The following ZNF420 variants were observed in gnomAD, a reference collection of about 807,000 sequenced individuals.
ZNF420 encodes the protein ATM and p53-associated KZNF protein.
A neutral mutation model predicts 44.7 loss-of-function variants in ZNF420; 31 were observed. The observed-to-expected ratio is 0.69, with a 90% CI of 0.52 to 0.94. The LOEUF (loss-of-function observed/expected upper bound fraction) is 0.94, where lower values mean the gene tolerates loss of function less well. Ranked by LOEUF, ZNF420 falls within the 40% of genes least tolerant of loss-of-function variation. The pLI is 0.00. For missense variants in ZNF420, 681 were observed against 827.9 expected (o/e 0.82, Z 2.18); for synonymous variants, 245 against 267.4 (o/e 0.92, Z 0.82).
intron 1 of ZNF420, among the ~76,000 whole-genome samples, chr19:37,013,022 CTT>C (rs1420588298): frequency 6.6e-6 from 1 of 152,054 alleles, no homozygotes; most frequent in Non-Finnish European, 1.5e-5. Flanking sequence ...TGCCGTTCCA[CTT>C]TGCATTTTGT....
intron 4 of ZNF420, among the ~76,000 whole-genome samples, chr19:37,125,334 A>T (rs1337443265): frequency 6.6e-6 from 1 of 151,830 alleles, no homozygotes; most frequent in Non-Finnish European, 1.5e-5. Flanking sequence ...TGAAGTAAGG[A>T]TAAGTAAAAG....
At chr19:37,020,299 C>T (rs1476507663) in intron 1 of ZNF420, among the ~76,000 whole-genome samples, 4 of 151,724 alleles carry the variant, frequency 2.6e-5, no homozygotes, top group Admixed American at 2.0e-4. Flanking sequence ...TGGCTAATGT[C>T]AGCATGACCA....
chr19:37,069,004 A>ATACATATGTATAATGTATAT (rs373295387), intron 1 of ZNF420, among the ~76,000 whole-genome samples: 3,672 of 152,258 alleles, frequency 0.024, 161 homozygotes, highest in African/African-American at 0.083. Flanking sequence ...ATATGGCGAG[A>ATACATATGTATAATGTATAT]TATTATACAT....
At chr19:37,065,210 T>C (rs1423878320) in intron 1 of ZNF420, among the ~76,000 whole-genome samples, 4 of 152,244 alleles carry the variant, frequency 2.6e-5, no homozygotes, top group Admixed American at 2.6e-4. Flanking sequence ...CTGGATTCTA[T>C]CCAAGCCACA....
chr19:37,008,632 T>A (rs2074546399), intron 1 of ZNF420, among the ~76,000 whole-genome samples: 1 of 152,182 alleles, frequency 6.6e-6, no homozygotes, highest in African/African-American at 2.4e-5. Context: ...CGACACAGGC[T>A]TAAAGAAGAA....
intron 1 of ZNF420, among the ~76,000 whole-genome samples, chr19:37,012,580 G>T (rs1436857647): frequency 1.3e-5 from 2 of 152,220 alleles, no homozygotes; most frequent in Admixed American, 1.3e-4. Context: ...CCCAGCTTCA[G>T]GCCTGCCGGG....
chr19:37,086,498 G>T (rs1406150357), intron 2 of ZNF420, among the ~76,000 whole-genome samples: 1 of 152,102 alleles, frequency 6.6e-6, no homozygotes, highest in Non-Finnish European at 1.5e-5. Context: ...TCTTGGCCAA[G>T]GTACTTGATA....
chr19:37,032,650 C>A (rs993518655), intron 1 of ZNF420, among the ~76,000 whole-genome samples: 1 of 151,402 alleles, frequency 6.6e-6, no homozygotes, highest in Non-Finnish European at 1.5e-5. Flanking sequence ...ACTAAAAATA[C>A]AACAATTTGC....
intron 4 of ZNF420, among the ~76,000 whole-genome samples, chr19:37,124,421 C>T (rs1234601875): frequency 1.3e-5 from 2 of 152,190 alleles, no homozygotes; most frequent in Non-Finnish European, 2.9e-5. Flanking sequence ...CTGTTATAAT[C>T]TTTGACATAT....
At chr19:37,069,825 T>C (rs1193605704) in intron 1 of ZNF420, among the ~76,000 whole-genome samples, 1 of 152,040 alleles carries the variant, frequency 6.6e-6, no homozygotes, top group Non-Finnish European at 1.5e-5. Context: ...AGTTATAACC[T>C]TACCAGTTTA....
rs759867090 is a variant in ZNF420, at chr19:37,080,575, G to A, written c.-81+187G>A. 1.1e-4 allele frequency among the ~76,000 whole-genome samples: 17 copies of A among 152,290 alleles called. No homozygotes were observed. In the South Asian group the frequency reaches 1.2e-3, roughly 11 times the overall value. ...CTTCCCCAATAGTGGTTAAATTTAC[G>A]AAGAATGGATTTGAGACTCATGGAT... On this transcript the variant is annotated intron_variant, in intron 2 of 4. Transcript: ENST00000337995.
At chr19:37,028,071 G>A (rs2562602) in intron 1 of ZNF420, among the ~76,000 whole-genome samples, 84,981 of 151,618 alleles carry the variant, frequency 0.56, 25,347 homozygotes, top group African/African-American at 0.76. Flanking sequence ...CTGTTGCGCC[G>A]TATCCTCACC....
chr19:37,122,632 A>AT (rs1301846920), intron 4 of ZNF420, among the ~76,000 whole-genome samples: 1 of 151,666 alleles, frequency 6.6e-6, no homozygotes, highest in African/African-American at 2.4e-5. Context: ...ACAACAACAC[A>AT]TTTTTCACAT....
At chr19:37,095,129 C>CAA (rs57353744) in intron 4 of ZNF420, among the ~76,000 whole-genome samples, 12 of 63,342 alleles carry the variant, frequency 1.9e-4, no homozygotes, top group Non-Finnish European at 4.2e-4. Flanking sequence ...GACTCTGTCT[C>CAA]AAAAAAAAAA....
At chr19:37,029,317 A>C (rs1404052873) in intron 1 of ZNF420, among the ~76,000 whole-genome samples, 5 of 152,222 alleles carry the variant, frequency 3.3e-5, no homozygotes, top group Non-Finnish European at 7.3e-5. Context: ...GAGGAAGTTG[A>C]GGAAATGGGA....
chr19:37,127,702 A>C lies in ZNF420; in HGVS notation c.711A>C (p.Gln237His), dbSNP rs764798559. The C allele has an allele frequency of 6.2e-7, 1 of 1,613,996 alleles. No homozygotes were observed. Among genetic ancestry groups the C allele is most frequent in the African/African-American group, 1.3e-5 (1 of 75,022 alleles). ...GGAAAGCCTTTATTCGTAGCTCACA[A>C]CTTACCCGACATCAAAAAGTTCATA... is the stretch of plus-strand genomic sequence containing the variant. ...ECGKAFIRSS[Q>H]LTRHQKVHTG... The change falls in exon 5 of 5, where the codon CAA becomes CAC. Residue 237 changes from glutamine to histidine, a missense_variant. Gln to His is a conservative substitution (Grantham distance 24). Around this residue, in one of 3 missense-constraint regions of ZNF420, gnomAD observed 350 missense variants for 382.5 expected, o/e 0.92. Coordinates refer to ENST00000337995, the MANE Select transcript of ZNF420 (RefSeq NM_144689.5).
intron 1 of ZNF420, among the ~76,000 whole-genome samples, chr19:37,073,161 T>C (rs916893993): frequency 6.6e-6 from 1 of 152,058 alleles, no homozygotes; most frequent in Non-Finnish European, 1.5e-5. Context: ...GAGCCATGAT[T>C]ACACCACTGC....
chr19:37,088,003 T>C (rs1341154150), intron 2 of ZNF420, among the ~76,000 whole-genome samples: 1 of 152,160 alleles, frequency 6.6e-6, no homozygotes, highest in Admixed American at 6.5e-5. Flanking sequence ...ACCCAACTTT[T>C]TCTGTAAAGG....
chr19:37,058,450 C>T (rs1967799159), intron 1 of ZNF420, among the ~76,000 whole-genome samples: 1 of 152,156 alleles, frequency 6.6e-6, no homozygotes. Flanking sequence ...CCTCCCAGAA[C>T]TGAATCTTTC....
Sources: allele counts gnomAD v4.1 joint callset (sites outside exome capture counted in the v4.1 genomes callset), GRCh38; gene constraint gnomAD v4.1.1; regional missense constraint gnomAD v4.1.1; transcripts MANE v1.5; gene names NCBI Gene and HGNC (gene_info 2026-07-23, HGNC 2026-07-21).